The following GALNS variants were observed in gnomAD, a reference collection of about 807,000 sequenced individuals.
GALNS encodes N-acetylgalactosamine-6-sulfatase.
GALNS carries 65 observed loss-of-function variants against 65.9 expected under a neutral mutation model. That is an observed-to-expected ratio of 0.99 (90% CI 0.81 to 1.21). The LOEUF (loss-of-function observed/expected upper bound fraction) is 1.21, where lower values mean the gene tolerates loss of function less well. Ranked by LOEUF, GALNS falls within the 50% of genes most tolerant of loss-of-function variation. The probability of loss-of-function intolerance (pLI) is 0.00; values close to 1 mark genes in which losing one functional copy is unlikely to be tolerated. For missense variants in GALNS, 776 were observed against 700.7 expected (o/e 1.11, Z -1.21); for synonymous variants, 346 against 288.9 (o/e 1.20, Z -2.00).
intron 1 of GALNS, among the ~76,000 whole-genome samples, chr16:88,853,179 A>G (rs900374055): frequency 7.1e-6 from 1 of 141,224 alleles, no homozygotes; most frequent in Non-Finnish European, 1.5e-5. Flanking sequence ...TGAACCTGGG[A>G]GACGGAGGTT....
intron 10 of GALNS, 103 bp downstream of exon 10, chr16:88,826,599 C>A: frequency 7.0e-7 from 1 of 1,420,336 alleles, no homozygotes; most frequent in South Asian, 1.3e-5. Context: ...CGCCTGTGTC[C>A]AGAACCAGGA....
intron 1 of GALNS, 131 bp downstream of exon 1, chr16:88,856,627 C>G (rs1326527031): frequency 6.3e-5 from 35 of 552,318 alleles, no homozygotes; most frequent in Non-Finnish European, 1.1e-4. Flanking sequence ...GGCCTCCCCC[C>G]TTCCCCAAGG....
chr16:88,839,742 G>C (rs991440436), intron 4 of GALNS, among the ~76,000 whole-genome samples: 5 of 152,234 alleles, frequency 3.3e-5, no homozygotes, highest in African/African-American at 1.2e-4. Context: ...CCTGGCTCCT[G>C]CTCCCACTCC....
At chr16:88,856,666 G>A in intron 1 of GALNS, 92 bp downstream of exon 1, 1 of 317,350 alleles carries the variant, frequency 3.2e-6, no homozygotes. Flanking sequence ...CCCCCACCCC[G>A]CCCGCCCTTC....
At chr16:88,818,842 G>A (rs1909910896) in intron 12 of GALNS, among the ~76,000 whole-genome samples, 1 of 152,240 alleles carries the variant, frequency 6.6e-6, no homozygotes, top group Non-Finnish European at 1.5e-5. Context: ...GATGCAGGGA[G>A]GAACTTCTGC....
At chr16:88,842,868 C>T in intron 1 of GALNS, 39 bp from the exon 2 acceptor site, 6 of 1,608,922 alleles carry the variant, frequency 3.7e-6, no homozygotes, top group Non-Finnish European at 5.1e-6. Flanking sequence ...TGAGCGCCTT[C>T]TGCAGGTGCT....
intron 1 of GALNS, chr16:88,855,070 T>G (rs1967725926): frequency 7.3e-6 from 3 of 410,492 alleles, no homozygotes; most frequent in African/African-American, 2.1e-5. Flanking sequence ...GTAGGGTGAG[T>G]CCACATGCAA....
chr16:88,818,424 G>T (rs1909865678), intron 12 of GALNS, among the ~76,000 whole-genome samples: 2 of 152,200 alleles, frequency 1.3e-5, no homozygotes, highest in African/African-American at 4.8e-5. Flanking sequence ...CTGTGACCAG[G>T]ACCCGGGATA....
chr16:88,853,819 C>G (rs550812353), intron 1 of GALNS, among the ~76,000 whole-genome samples: 36 of 152,082 alleles, frequency 2.4e-4, no homozygotes, highest in Non-Finnish European at 4.3e-4. Flanking sequence ...TGCAGGTAGA[C>G]CCGTCCTTGC....
chr16:88,848,271 CTG>C (rs1209702421), intron 1 of GALNS, among the ~76,000 whole-genome samples: 1 of 152,162 alleles, frequency 6.6e-6, no homozygotes, highest in Non-Finnish European at 1.5e-5. Flanking sequence ...CAGGACGACT[CTG>C]AGAACACACT....
chr16:88,831,854 G>GGCTGAGCATGGGGTGCGTGGAT, intron 9 of GALNS, 144 bp downstream of exon 9: 1 of 717,736 alleles, frequency 1.4e-6, no homozygotes, highest in South Asian at 1.5e-5. Flanking sequence ...GGTGCGTGGA[G>GGCTGAGCATGGGGTGCGTGGAT]GCTGAGCACA....
chr16:88,820,130 C>A (rs954222167), intron 12 of GALNS, among the ~76,000 whole-genome samples: 4 of 151,320 alleles, frequency 2.6e-5, no homozygotes. Context: ...TGCCTGGCCC[C>A]GTCGTCTTTT....
At chr16:88,855,990 A>G (rs1967832537) in intron 1 of GALNS, 1 of 593,512 alleles carries the variant, frequency 1.7e-6, no homozygotes, top group Non-Finnish European at 3.0e-6. Context: ...AATGGAAGTG[A>G]CCCCCAAGCT....
At position 88,818,006 on chromosome 16, in the gene GALNS, C is replaced by T. The variant is rs2142982054; in HGVS notation, c.1482+1G>A. ...CGGCCGCCCACACACCAGCCACTTA[C>T]CATGACCGCCCAGTTGCACACGTTG... On this transcript the variant is annotated splice_donor_variant, in intron 13 of 13. Coordinates refer to ENST00000268695, the MANE Select transcript of GALNS (RefSeq NM_000512.5). LOFTEE classifies it high-confidence loss of function. 1 of 1,579,594 alleles carries T rather than the reference C, an allele frequency of 6.3e-7. No individual in the cohort carries two copies. Among genetic ancestry groups the T allele is most frequent in the African/African-American group, 1.3e-5 (1 of 74,366 alleles).
intron 8 of GALNS, among the ~76,000 whole-genome samples, chr16:88,832,758 A>T (rs999264375): frequency 1.3e-5 from 2 of 152,170 alleles, no homozygotes; most frequent in Non-Finnish European, 2.9e-5. Flanking sequence ...CCCTGAATAA[A>T]AGGGAAAAAG....
At chr16:88,833,184 C>G (rs1005256194) in intron 8 of GALNS, among the ~76,000 whole-genome samples, 1 of 152,174 alleles carries the variant, frequency 6.6e-6, no homozygotes, top group African/African-American at 2.4e-5. Flanking sequence ...GCCATCCAAC[C>G]CCGAGCGGCA....
At chr16:88,849,268 C>A (rs1004383550) in intron 1 of GALNS, among the ~76,000 whole-genome samples, 1 of 152,122 alleles carries the variant, frequency 6.6e-6, no homozygotes, top group East Asian at 1.9e-4. Context: ...GCACATGCCA[C>A]CATGCCCAGT....
chr16:88,850,081 C>T (rs1597595609), intron 1 of GALNS, among the ~76,000 whole-genome samples: 1 of 152,230 alleles, frequency 6.6e-6, no homozygotes, highest in Non-Finnish European at 1.5e-5. Context: ...GCAGATTCAT[C>T]CTCTCAGGTG....
chr16:88,816,946 G>A (rs1909693042), intron 13 of GALNS: 4 of 985,492 alleles, frequency 4.1e-6, no homozygotes, highest in Non-Finnish European at 4.8e-6. Context: ...GGGGCCTCGA[G>A]GCTGGGCTCG....
Sources: allele counts gnomAD v4.1 joint callset (sites outside exome capture counted in the v4.1 genomes callset), GRCh38; gene constraint gnomAD v4.1.1; transcripts MANE v1.5; gene names NCBI Gene and HGNC (gene_info 2026-07-23, HGNC 2026-07-21).